The following GARIN1B variants were observed in gnomAD, a reference collection of about 807,000 sequenced individuals.
GARIN1B encodes the protein Golgi-associated RAB2 interactor protein 1B.
At chr7:128,715,493 G>A in the GARIN1B span, 1 of 1,614,156 alleles carries the variant, frequency 6.2e-7, no homozygotes, top group South Asian at 1.1e-5. Context: ...AAAGAAGACA[G>A]TAAAAGTCAC....
the GARIN1B span, among the ~76,000 whole-genome samples, chr7:128,717,592 G>A: frequency 5.3e-5 from 8 of 151,470 alleles, no homozygotes; most frequent in Non-Finnish European, 1.0e-4. Context: ...GATTATAGGT[G>A]CCTGCCACCA....
At chr7:128,715,295 G>A in the GARIN1B span, 1 of 1,458,900 alleles carries the variant, frequency 6.9e-7, no homozygotes, top group Non-Finnish European at 9.0e-7. Flanking sequence ...TCCCCTTCCT[G>A]CAGGTCTGTC....
At chr7:128,728,963 C>A in the GARIN1B span, among the ~76,000 whole-genome samples, 1 of 152,214 alleles carries the variant, frequency 6.6e-6, no homozygotes, top group Non-Finnish European at 1.5e-5. Flanking sequence ...AACATACACA[C>A]TCAAAACATA....
At chr7:128,715,260 A>G in the GARIN1B span, 2 of 1,427,986 alleles carry the variant, frequency 1.4e-6, no homozygotes, top group South Asian at 3.1e-5. Flanking sequence ...AGCTCTCTGG[A>G]GGAAAAGGGA....
chr7:128,714,190 C>A, the GARIN1B span: 1 of 1,483,240 alleles, frequency 6.7e-7, no homozygotes, highest in South Asian at 1.2e-5. Flanking sequence ...ATACAAAAGT[C>A]AGCCTCCATG....
At chr7:128,731,434 T>C in the GARIN1B span, 2 of 446,464 alleles carry the variant, frequency 4.5e-6, no homozygotes, top group South Asian at 6.3e-5. Context: ...AAAATGGAGG[T>C]GATGAGAAAG....
chr7:128,718,098 C>T, the GARIN1B span, among the ~76,000 whole-genome samples: 1 of 152,132 alleles, frequency 6.6e-6, no homozygotes, highest in African/African-American at 2.4e-5. Flanking sequence ...TCAATAAATG[C>T]ACAAGCCAGA....
the GARIN1B span, chr7:128,731,277 C>T: frequency 2.7e-6 from 2 of 749,962 alleles, no homozygotes; most frequent in African/African-American, 1.7e-5. Context: ...CTGTACATAA[C>T]CACGTCCTCG....
At chr7:128,718,730 A>T in the GARIN1B span, 1 of 1,449,720 alleles carries the variant, frequency 6.9e-7, no homozygotes, top group Non-Finnish European at 9.3e-7. Context: ...TTCTACCTCC[A>T]AAAGCCTTAG....
At chr7:128,725,807 C>CA in the GARIN1B span, among the ~76,000 whole-genome samples, 1 of 149,696 alleles carries the variant, frequency 6.7e-6, no homozygotes, top group Non-Finnish European at 1.5e-5. Context: ...GACATGTACA[C>CA]AACACAAAAT....
the GARIN1B span, chr7:128,716,794 C>A: frequency 4.4e-6 from 7 of 1,589,294 alleles, no homozygotes; most frequent in Non-Finnish European, 6.0e-6. Flanking sequence ...TCAGGTTGTG[C>A]CTGGGGGCTG....
At chr7:128,729,578 AT>A in the GARIN1B span, among the ~76,000 whole-genome samples, 1 of 152,128 alleles carries the variant, frequency 6.6e-6, no homozygotes, top group African/African-American at 2.4e-5. Flanking sequence ...TCCTGGGGAA[AT>A]CCACTCAGTT....
chr7:128,723,106 TCCAA>T, the GARIN1B span: 4 of 1,398,998 alleles, frequency 2.9e-6, no homozygotes, highest in African/African-American at 5.8e-5. Flanking sequence ...AATTTTGAGT[TCCAA>T]CACTTTAGAG....
the GARIN1B span, among the ~76,000 whole-genome samples, chr7:128,719,956 C>T: frequency 4.6e-5 from 7 of 151,776 alleles, no homozygotes. Flanking sequence ...CACCTCGGCC[C>T]ACCAAAGTGC....
chr7:128,713,604 C>G, the GARIN1B span, among the ~76,000 whole-genome samples: 1 of 152,200 alleles, frequency 6.6e-6, no homozygotes, highest in Non-Finnish European at 1.5e-5. Context: ...TGTGAGCCAC[C>G]TTAAAGCACC....
the GARIN1B span, among the ~76,000 whole-genome samples, chr7:128,730,891 A>G: frequency 6.6e-6 from 1 of 151,960 alleles, no homozygotes; most frequent in South Asian, 2.1e-4. Flanking sequence ...AGAACTCTCA[A>G]CCTCAGGTGA....
the GARIN1B span, chr7:128,730,001 G>T: frequency 6.2e-7 from 1 of 1,614,096 alleles, no homozygotes; most frequent in Non-Finnish European, 8.5e-7. Flanking sequence ...AACCCCTCCG[G>T]CCTGCAGCCC....
the GARIN1B span, chr7:128,714,156 G>C: frequency 6.5e-7 from 1 of 1,535,144 alleles, no homozygotes; most frequent in Non-Finnish European, 8.7e-7. Flanking sequence ...GGCCCTTTAG[G>C]CTTCTCCCTG....
At chr7:128,715,394 C>T in the GARIN1B span, 6 of 1,593,664 alleles carry the variant, frequency 3.8e-6, no homozygotes, top group Admixed American at 3.4e-5. Context: ...GGAGGGGAGA[C>T]AGAGATCCCA....
Sources: allele counts gnomAD v4.1 joint callset (sites outside exome capture counted in the v4.1 genomes callset), GRCh38; gene constraint gnomAD v4.1.1; transcripts MANE v1.5; gene names NCBI Gene and HGNC (gene_info 2026-07-23, HGNC 2026-07-21).